The following UPP2 variants were observed in gnomAD, a reference collection of about 807,000 sequenced individuals.
The protein encoded by UPP2 is uridine phosphorylase 2.
A neutral mutation model predicts 26.7 loss-of-function variants in UPP2; 23 were observed. That is an observed-to-expected ratio of 0.86 (90% confidence interval 0.62 to 1.22). The LOEUF is 1.22. Among genes scored for constraint, UPP2 ranks in the 50% most tolerant of loss-of-function variants. The pLI is 0.00. For missense variants in UPP2, 387 were observed against 396.7 expected (o/e 0.98, Z 0.21); for synonymous variants, 127 against 141.3 (o/e 0.90, Z 0.72).
chr2:158,104,292 G>A (rs1225566745), intron 1 of UPP2, among the ~76,000 whole-genome samples: 1 of 152,144 alleles, frequency 6.6e-6, no homozygotes, highest in East Asian at 1.9e-4. Flanking sequence ...CTTCACGGAA[G>A]AGGTAATATT....
intron 3 of UPP2, among the ~76,000 whole-genome samples, chr2:158,033,730 T>C (rs1558909638): frequency 6.6e-6 from 1 of 152,216 alleles, no homozygotes; most frequent in Non-Finnish European, 1.5e-5. Context: ...AAGTAGTTTC[T>C]GTTATTAGCC....
intron 3 of UPP2, among the ~76,000 whole-genome samples, chr2:158,036,097 GTGA>G (rs1460373154): frequency 1.3e-5 from 2 of 152,128 alleles, no homozygotes; most frequent in African/African-American, 4.8e-5. Flanking sequence ...GAAAGTAGCA[GTGA>G]TGATTTAAAA....
chr2:158,012,255 G>A (rs1052600878), intron 2 of UPP2, among the ~76,000 whole-genome samples: 2 of 122,250 alleles, frequency 1.6e-5, no homozygotes, highest in Non-Finnish European at 3.5e-5. Flanking sequence ...TTTCTGAATT[G>A]TTTCTACCTT....
intron 3 of UPP2, among the ~76,000 whole-genome samples, chr2:158,073,946 G>A (rs10173292): frequency 0.065 from 9,922 of 152,210 alleles, 590 homozygotes; most frequent in East Asian, 0.15. Flanking sequence ...AGACCAGTGC[G>A]GGAGGGTAGC....
chr2:157,998,268 A>C (rs554839534), intron 2 of UPP2, among the ~76,000 whole-genome samples: 3 of 152,292 alleles, frequency 2.0e-5, no homozygotes, highest in Admixed American at 6.5e-5. Flanking sequence ...AACTGGATTT[A>C]TCATGTGCAA....
At chr2:158,075,469 C>T (rs1277379929) in intron 3 of UPP2, among the ~76,000 whole-genome samples, 1 of 151,728 alleles carries the variant, frequency 6.6e-6, no homozygotes, top group African/African-American at 2.4e-5. Context: ...ATTAAAAAAA[C>T]TGAAATAATA....
At chr2:158,034,729 T>C (rs73001496) in intron 3 of UPP2, among the ~76,000 whole-genome samples, 128 of 152,358 alleles carry the variant, frequency 8.4e-4, no homozygotes, top group African/African-American at 3.0e-3. Flanking sequence ...AGCAGTTCAT[T>C]ATGTCTATGC....
At chr2:158,095,058 T>G (rs1452053740) in intron 3 of UPP2, among the ~76,000 whole-genome samples, 1 of 152,178 alleles carries the variant, frequency 6.6e-6, no homozygotes. Flanking sequence ...TCAGCCCTCA[T>G]ACCCTTTAAC....
intron 5 of UPP2, among the ~76,000 whole-genome samples, chr2:158,122,470 G>T (rs1683590501): frequency 6.6e-6 from 1 of 152,008 alleles, no homozygotes; most frequent in African/African-American, 2.4e-5. Flanking sequence ...TAGAAGGGCT[G>T]TTGGGGTCCA....
intron 3 of UPP2, among the ~76,000 whole-genome samples, chr2:158,087,313 CT>C (rs1300530961): frequency 1.3e-5 from 2 of 152,248 alleles, no homozygotes; most frequent in Admixed American, 1.3e-4. Flanking sequence ...GCTACTCCTG[CT>C]CATTTTTGAT....
At position 158,069,008 on chromosome 2, in the gene UPP2, G is replaced by A. The variant is rs558099270; in HGVS notation, c.148-33032G>A. On this transcript the variant is annotated intron_variant, in intron 3 of 9. Coordinates refer to the UPP2 transcript ENST00000605860. The stretch of plus-strand genomic sequence containing the variant: ...AATTTTTTGTATTTTTAGTAGAGAC[G>A]AGGTTTCACTGTGTTAGCCAGGATG... Among the ~76,000 whole-genome samples, 140 of 150,424 alleles carry A rather than the reference G, an allele frequency of 9.3e-4. 1 individual carries two copies. The highest frequency in any genetic ancestry group is 1.8e-3 in the Non-Finnish European group (120 of 67,652).
intron 1 of UPP2, among the ~76,000 whole-genome samples, chr2:158,104,285 C>T (rs192170648): frequency 1.2e-4 from 18 of 152,182 alleles, no homozygotes; most frequent in African/African-American, 4.3e-4. Flanking sequence ...GAAAAGCCTT[C>T]ACGGAAGAGG....
At chr2:158,100,187 T>C (rs1023132725), upstream of UPP2, among the ~76,000 whole-genome samples, 6 of 152,222 alleles carry the variant, frequency 3.9e-5, no homozygotes, top group African/African-American at 1.2e-4. Context: ...TCAACTTTTA[T>C]AGATTCCACA....
At chr2:158,056,559 A>G (rs1409098564) in intron 3 of UPP2, among the ~76,000 whole-genome samples, 1 of 152,180 alleles carries the variant, frequency 6.6e-6, no homozygotes, top group African/African-American at 2.4e-5. Context: ...TCCCTCTGAA[A>G]CCTGTAGGAG....
chr2:158,027,896 C>G (rs1361930956), intron 3 of UPP2, among the ~76,000 whole-genome samples: 1 of 152,230 alleles, frequency 6.6e-6, no homozygotes, highest in Non-Finnish European at 1.5e-5. Context: ...AAGTCATGGC[C>G]TGAGCTCTAC....
chr2:158,013,020 T>A, intron 2 of UPP2, among the ~76,000 whole-genome samples: 1 of 152,202 alleles, frequency 6.6e-6, no homozygotes, highest in East Asian at 1.9e-4. Context: ...TTATTTTTTT[T>A]TTTGAAATAG....
At chr2:158,073,649 G>A (rs1682579634) in intron 3 of UPP2, among the ~76,000 whole-genome samples, 1 of 152,178 alleles carries the variant, frequency 6.6e-6, no homozygotes, top group Non-Finnish European at 1.5e-5. Context: ...AGACTTTTCA[G>A]TAGAAACTTT....
At chr2:158,058,431 G>GTGTGTGTGTGTA (rs1682295712) in intron 3 of UPP2, among the ~76,000 whole-genome samples, 9 of 150,248 alleles carry the variant, frequency 6.0e-5, no homozygotes, top group African/African-American at 2.2e-4. Flanking sequence ...GTGTGTGTGT[G>GTGTGTGTGTGTA]TGTGTGTGTG....
chr2:158,083,667 T>C (rs1369552119), intron 3 of UPP2, among the ~76,000 whole-genome samples: 2 of 151,742 alleles, frequency 1.3e-5, no homozygotes, highest in Admixed American at 1.3e-4. Flanking sequence ...AACAAACCTG[T>C]AGGTTCTGTG....
Sources: gnomAD v4.1 joint callset for allele counts (sites outside exome capture counted in the v4.1 genomes callset) on GRCh38, gnomAD v4.1.1 for gene constraint, MANE v1.5 for transcripts, NCBI Gene and HGNC (gene_info 2026-07-23, HGNC 2026-07-21) for gene names.